ITGB3BP: variants seen among roughly 807,000 people sequenced by gnomAD.
The protein encoded by ITGB3BP is integrin subunit beta 3 binding protein.
In ITGB3BP, 27 loss-of-function variants were observed where a neutral mutation model predicts 29.1. That is an observed-to-expected ratio of 0.93 (90% CI 0.68 to 1.28). ITGB3BP has a LOEUF of 1.28. ITGB3BP is among the 50% of genes most tolerant of loss of function. ITGB3BP has a pLI of 0.00. For synonymous variants in ITGB3BP, 61 were observed against 61.4 expected, an observed-to-expected ratio of 0.99 and a Z score of 0.03; for missense variants, 192 against 200.2, an observed-to-expected ratio of 0.96 and a Z score of 0.25.
chr1:63,528,351 A>G (rs1646633437), intron 2 of ITGB3BP, among the ~76,000 whole-genome samples: 1 of 152,202 alleles, frequency 6.6e-6, no homozygotes, highest in Non-Finnish European at 1.5e-5. Flanking sequence ...AACATCACAC[A>G]TTCTTTCTTA....
intron 4 of ITGB3BP, among the ~76,000 whole-genome samples, chr1:63,477,871 T>C (rs1194112029): frequency 6.6e-6 from 1 of 152,166 alleles, no homozygotes; most frequent in Admixed American, 6.5e-5. Flanking sequence ...TAACCCCTGT[T>C]CTGCTTAATT....
chr1:63,522,985 A>T (rs777184342), intron 1 of ITGB3BP, 144 bp downstream of exon 1: 7 of 925,832 alleles, frequency 7.6e-6, no homozygotes, highest in Non-Finnish European at 1.3e-5. Context: ...GAGGGTACCA[A>T]GCGAAGGGAA....
chr1:63,473,109 G>A lies in ITGB3BP; in HGVS notation c.254+5655C>T, dbSNP rs1200137909. Among the ~76,000 whole-genome samples, 4 of 151,526 alleles carry A rather than the reference G, an allele frequency of 2.6e-5. No homozygotes were observed. In the South Asian group the frequency reaches 6.3e-4, roughly 24 times the overall value. On this transcript the variant is annotated intron_variant, in intron 4 of 8. Transcript: ENST00000271002. The stretch of plus-strand genomic sequence containing the variant: ...GGCCGCCCATCGTCTGAGATGTGGG[G>A]AGCACCTCTGCCCTGCCGCCCTGTC...
upstream of ITGB3BP, among the ~76,000 whole-genome samples, chr1:63,524,325 A>G (rs539050991): frequency 1.9e-4 from 29 of 152,202 alleles, no homozygotes; most frequent in Non-Finnish European, 3.2e-4. Context: ...AGTATTACCA[A>G]TTTGCAGTAA....
chr1:63,473,339 G>A (rs887407745), intron 4 of ITGB3BP, among the ~76,000 whole-genome samples: 2 of 151,374 alleles, frequency 1.3e-5, no homozygotes, highest in African/African-American at 2.4e-5. Flanking sequence ...GTCCGGGAGG[G>A]AGGTGGCGGG....
Position 63,523,205 on chromosome 1 carries a change from C to T in ITGB3BP, c.-72G>A. Reference sequence around the variant, plus strand: ...GCAACTTCCGAAAACAGAAAATCCGCCAAAGGAAACGCCAAGGCATGAAAA... The same window carrying T: ...GCAACTTCCGAAAACAGAAAATCCGTCAAAGGAAACGCCAAGGCATGAAAA... On this transcript the variant is annotated 5_prime_UTR_variant, in exon 1 of 9. An upstream open reading frame in the 5' UTR gains an earlier in-frame stop. Coordinates refer to ENST00000271002, the MANE Select transcript of ITGB3BP (RefSeq NM_014288.5). 6.2e-7 allele frequency: 1 copy of T among 1,605,900 alleles called. No homozygotes were observed.
intron 2 of ITGB3BP, among the ~76,000 whole-genome samples, chr1:63,503,233 T>A (rs1190686467): frequency 6.6e-6 from 1 of 152,154 alleles, no homozygotes; most frequent in Non-Finnish European, 1.5e-5. Flanking sequence ...GATATCTCAT[T>A]GTGGTTTTGA....
At chr1:63,496,002 C>T (rs552982831) in intron 2 of ITGB3BP, among the ~76,000 whole-genome samples, 12 of 151,840 alleles carry the variant, frequency 7.9e-5, no homozygotes, top group Non-Finnish European at 1.5e-4. Context: ...TTCCAAGCAA[C>T]GGGTATGATT....
At chr1:63,456,666 G>A (rs1398738722) in intron 4 of ITGB3BP, among the ~76,000 whole-genome samples, 1 of 152,164 alleles carries the variant, frequency 6.6e-6, no homozygotes, top group African/African-American at 2.4e-5. Context: ...AACTGGAATA[G>A]TAGAGCCTTT....
At chr1:63,510,081 TC>T in intron 1 of ITGB3BP, 1 of 614,784 alleles carries the variant, frequency 1.6e-6, no homozygotes, top group Non-Finnish European at 3.0e-6. Flanking sequence ...TCCCAACTAC[TC>T]CCAAGGCTGA....
chr1:63,469,888 G>GT (rs1451411010), intron 4 of ITGB3BP, among the ~76,000 whole-genome samples: 1 of 152,196 alleles, frequency 6.6e-6, no homozygotes, highest in South Asian at 2.1e-4. Flanking sequence ...CATGATGGCC[G>GT]TAACGCCCAC....
At chr1:63,494,835 C>G (rs947543394) in intron 2 of ITGB3BP, among the ~76,000 whole-genome samples, 1 of 152,190 alleles carries the variant, frequency 6.6e-6, no homozygotes, top group African/African-American at 2.4e-5. Context: ...CAAAGTCTTT[C>G]TCTGTCGCCT....
At chr1:63,484,763 C>G (rs1042338362) in intron 3 of ITGB3BP, among the ~76,000 whole-genome samples, 1 of 152,040 alleles carries the variant, frequency 6.6e-6, no homozygotes, top group Non-Finnish European at 1.5e-5. Context: ...TACAACTTGT[C>G]TATGTCCTTC....
intron 4 of ITGB3BP, among the ~76,000 whole-genome samples, chr1:63,470,110 A>G (rs571790709): frequency 1.3e-5 from 2 of 152,340 alleles, no homozygotes; most frequent in South Asian, 2.1e-4. Flanking sequence ...AGTTAATTTA[A>G]TATCTATAGA....
intron 2 of ITGB3BP, among the ~76,000 whole-genome samples, chr1:63,500,209 C>A (rs1645891432): frequency 6.6e-6 from 1 of 152,114 alleles, no homozygotes; most frequent in Non-Finnish European, 1.5e-5. Flanking sequence ...GAAACCCTGT[C>A]TCTACTAAAA....
chr1:63,501,781 G>A (rs1158931481), intron 2 of ITGB3BP, among the ~76,000 whole-genome samples: 1 of 151,810 alleles, frequency 6.6e-6, no homozygotes, highest in South Asian at 2.1e-4. Flanking sequence ...ACGATTGCTT[G>A]AGCCCAGAAG....
intron 1 of ITGB3BP, among the ~76,000 whole-genome samples, chr1:63,512,451 A>G (rs1418076893): frequency 6.6e-6 from 1 of 152,152 alleles, no homozygotes; most frequent in Non-Finnish European, 1.5e-5. Context: ...ACCAGGAATG[A>G]CACCTCAGAA....
intron 1 of ITGB3BP, among the ~76,000 whole-genome samples, chr1:63,518,295 T>C (rs995969493): frequency 2.0e-5 from 3 of 152,196 alleles, no homozygotes; most frequent in African/African-American, 4.8e-5. Context: ...ACAAATTCTA[T>C]TTCCTTAATT....
chr1:63,509,468 T>C (rs1206517704), intron 1 of ITGB3BP, among the ~76,000 whole-genome samples: 6 of 152,200 alleles, frequency 3.9e-5, no homozygotes, highest in Admixed American at 6.5e-5. Context: ...AGCAAAAAGA[T>C]TGTACTATGT....
Sources: gnomAD v4.1 joint callset for allele counts (sites outside exome capture counted in the v4.1 genomes callset) on GRCh38, gnomAD v4.1.1 for gene constraint, MANE v1.5 for transcripts, NCBI Gene and HGNC (gene_info 2026-07-23, HGNC 2026-07-21) for gene names.